RASAL2: variants seen among roughly 807,000 people sequenced by gnomAD.
The protein encoded by RASAL2 is ras GTPase-activating protein nGAP.
Under a neutral mutation model 128.9 loss-of-function variants are expected in RASAL2, and 58 were observed. That is an observed-to-expected ratio of 0.45 (90% CI 0.36 to 0.56). The LOEUF (loss-of-function observed/expected upper bound fraction) is 0.56. Among genes scored for constraint, RASAL2 ranks in the 20% least tolerant of loss-of-function variants. RASAL2 has a pLI of 0.00. For missense variants in RASAL2, 1,360 were observed against 1,601.6 expected (o/e 0.85, Z 2.57); for synonymous variants, 561 against 580.8 (o/e 0.97, Z 0.49).
At chr1:178,302,433 A>G (rs1667807090) in intron 3 of RASAL2, among the ~76,000 whole-genome samples, 1 of 152,248 alleles carries the variant, frequency 6.6e-6, no homozygotes, top group Non-Finnish European at 1.5e-5. Flanking sequence ...TCCTAGGGGA[A>G]AAGATCTAAT....
At chr1:178,158,615 C>T (rs1470642472) in intron 1 of RASAL2, among the ~76,000 whole-genome samples, 1 of 152,218 alleles carries the variant, frequency 6.6e-6, no homozygotes, top group Non-Finnish European at 1.5e-5. Context: ...ATAGCAAGTA[C>T]TCCATAAATG....
intron 1 of RASAL2, among the ~76,000 whole-genome samples, chr1:178,156,775 C>T (rs958830592): frequency 9.9e-5 from 15 of 152,090 alleles, no homozygotes; most frequent in Middle Eastern, 3.4e-3. Flanking sequence ...AAAAACACAG[C>T]GATTAAGGTC....
chr1:178,184,391 G>T (rs1571598815), intron 1 of RASAL2, among the ~76,000 whole-genome samples: 5 of 148,584 alleles, frequency 3.4e-5, no homozygotes, highest in African/African-American at 4.9e-5. Flanking sequence ...AATTTTTCCT[G>T]TTTTTTTTTT....
At chr1:178,456,168 G>A (rs1416900075) in intron 12 of RASAL2, among the ~76,000 whole-genome samples, 1 of 152,104 alleles carries the variant, frequency 6.6e-6, no homozygotes, top group Non-Finnish European at 1.5e-5. Context: ...AAGATTGACT[G>A]GGATAGTGGA....
chr1:178,213,282 G>A (rs1012930814), intron 1 of RASAL2, among the ~76,000 whole-genome samples: 4 of 152,082 alleles, frequency 2.6e-5, no homozygotes, highest in East Asian at 1.9e-4. Flanking sequence ...GGGTGCAAGC[G>A]ATTCTCCTGC....
At chr1:178,327,839 T>C (rs1669110742) in intron 3 of RASAL2, among the ~76,000 whole-genome samples, 3 of 152,076 alleles carry the variant, frequency 2.0e-5, no homozygotes, top group Admixed American at 1.3e-4. Context: ...CCTAATCCAA[T>C]GACAAATTTC....
intron 9 of RASAL2, 108 bp downstream of exon 9, chr1:178,445,770 G>T: frequency 8.5e-7 from 1 of 1,171,672 alleles, no homozygotes. Context: ...TTTAGTTCTA[G>T]CTGACTCAGG....
intron 1 of RASAL2, among the ~76,000 whole-genome samples, chr1:178,226,251 T>C (rs1023296493): frequency 5.3e-5 from 8 of 152,156 alleles, no homozygotes; most frequent in Non-Finnish European, 7.4e-5. Context: ...GAAGCACTGG[T>C]CTGGAAGCAG....
intron 1 of RASAL2, among the ~76,000 whole-genome samples, chr1:178,223,698 T>C (rs566412654): frequency 6.6e-6 from 1 of 152,270 alleles, no homozygotes; most frequent in Non-Finnish European, 1.5e-5. Context: ...TCATAGTAGA[T>C]GTAGGTTGAT....
At chr1:178,221,395 T>C (rs1488374138) in intron 1 of RASAL2, among the ~76,000 whole-genome samples, 1 of 152,194 alleles carries the variant, frequency 6.6e-6, no homozygotes, top group Admixed American at 6.5e-5. Context: ...AAGATATGCA[T>C]TTCAATGTTA....
At chr1:178,436,837 C>T (rs1676285583) in intron 5 of RASAL2, among the ~76,000 whole-genome samples, 2 of 152,064 alleles carry the variant, frequency 1.3e-5, no homozygotes, top group South Asian at 4.1e-4. Context: ...CTCAGCCTCC[C>T]GAAGTGCTGG....
chr1:178,331,269 C>G lies in RASAL2; in HGVS notation c.457+31151C>G, dbSNP rs541186203. 3.3e-5 allele frequency among the ~76,000 whole-genome samples: 5 copies of G among 152,306 alleles called. No homozygotes were observed. The East Asian group carries it at 9.6e-4, about 29-fold the overall frequency. On this transcript the variant is annotated intron_variant, in intron 3 of 17. Coordinates refer to ENST00000367649, the MANE Select transcript of RASAL2 (RefSeq NM_170692.4). ...AACTGCAGCCTCAACCTCCTAGGCTCAAGCAAATCCACCCGCCTCAGCCTC... is the reference window on the plus strand; with the variant it reads ...AACTGCAGCCTCAACCTCCTAGGCTGAAGCAAATCCACCCGCCTCAGCCTC...
chr1:178,148,096 T>A (rs1660790009), intron 1 of RASAL2, among the ~76,000 whole-genome samples: 1 of 151,974 alleles, frequency 6.6e-6, no homozygotes, highest in East Asian at 1.9e-4. Flanking sequence ...ATTAAAAAAA[T>A]AAAATGATTG....
intron 3 of RASAL2, among the ~76,000 whole-genome samples, chr1:178,302,390 T>A (rs1434037858): frequency 1.3e-5 from 2 of 152,176 alleles, no homozygotes; most frequent in Non-Finnish European, 2.9e-5. Context: ...AAAAATTAAA[T>A]ATCCTGTTTA....
chr1:178,331,732 G>T (rs556928147), intron 3 of RASAL2, among the ~76,000 whole-genome samples: 3 of 151,590 alleles, frequency 2.0e-5, no homozygotes, highest in Non-Finnish European at 4.4e-5. Flanking sequence ...GATTATGGGC[G>T]CCCACCACCA....
chr1:178,290,836 C>T (rs1169383780), intron 2 of RASAL2, among the ~76,000 whole-genome samples: 3 of 151,906 alleles, frequency 2.0e-5, no homozygotes, highest in East Asian at 1.9e-4. Flanking sequence ...CCACCACGCA[C>T]GGCTAATTTT....
At position 178,138,194 on chromosome 1, in the gene RASAL2, T is replaced by G. The variant is rs1395705861; in HGVS notation, c.202+43500T>G. ...TGGTGATGAGATGTCTTTATTTGAC[T>G]GCACAGGGAGAATTGTTTGGAGTCT... is the stretch of plus-strand genomic sequence containing the variant. On this transcript the variant is annotated intron_variant, in intron 1 of 17. Coordinates refer to ENST00000367649, the MANE Select transcript of RASAL2 (RefSeq NM_170692.4). 2.6e-5 allele frequency among the ~76,000 whole-genome samples: 4 copies of G among 152,170 alleles called. No individual in the cohort carries two copies. In the East Asian group the frequency reaches 7.7e-4, roughly 29 times the overall value.
chr1:178,157,444 G>A (rs1055994326), intron 1 of RASAL2, among the ~76,000 whole-genome samples: 4 of 152,130 alleles, frequency 2.6e-5, no homozygotes, highest in African/African-American at 9.7e-5. Flanking sequence ...TTACCACCTA[G>A]TTTTTGCCCT....
At chr1:178,162,698 C>T (rs569972124) in intron 1 of RASAL2, among the ~76,000 whole-genome samples, 1 of 150,264 alleles carries the variant, frequency 6.7e-6, no homozygotes, top group African/African-American at 2.4e-5. Context: ...AGTGATCCTC[C>T]TGCCTCAGCC....
Sources: gnomAD v4.1 joint callset for allele counts (sites outside exome capture counted in the v4.1 genomes callset) on GRCh38, gnomAD v4.1.1 for gene constraint, MANE v1.5 for transcripts, NCBI Gene and HGNC (gene_info 2026-07-23, HGNC 2026-07-21) for gene names.